Variants in NPIPB11 observed in about 807,000 individuals in gnomAD.
The protein encoded by NPIPB11 is nuclear pore complex interacting protein family member B11, also known as nuclear pore complex-interacting protein family member B11.
Under a neutral mutation model 32.8 loss-of-function variants are expected in NPIPB11, and 17 were observed. That is an observed-to-expected ratio of 0.52 (90% CI 0.35 to 0.78). The LOEUF is 0.78. Among genes scored for constraint, NPIPB11 ranks in the 30% least tolerant of loss-of-function variants. The probability of loss-of-function intolerance (pLI) is 0.01; values close to 1 mark genes in which losing one functional copy is unlikely to be tolerated. For synonymous variants in NPIPB11, 209 were observed against 398.4 expected (o/e 0.52, Z 5.66); for missense variants, 537 against 1,000.4 (o/e 0.54, Z 6.25).
At chr16:29,397,622 G>T in intron 2 of NPIPB11, 2 of 1,476,158 alleles carry the variant, frequency 1.4e-6, no homozygotes, top group Non-Finnish European at 9.2e-7. Context: ...GGAGCCAAAA[G>T]AGCATCCACC....
exon 8 of NPIPB11, chr16:29,383,161 A>G: frequency 1.3e-6 from 2 of 1,591,648 alleles, no homozygotes; most frequent in Non-Finnish European, 1.7e-6. Flanking sequence ...TGAGGGTGGA[A>G]GCGGAACTGC....
chr16:29,383,799 C>G, exon 8 of NPIPB11: 1 of 1,156,430 alleles, frequency 8.6e-7, no homozygotes, highest in African/African-American at 4.3e-5. Context: ...AAGCGGCCCC[C>G]GCAGACGCTC....
At chr16:29,395,856 T>G (rs1235441511) in intron 2 of NPIPB11, among the ~76,000 whole-genome samples, 22 of 151,022 alleles carry the variant, frequency 1.5e-4, no homozygotes, top group Middle Eastern at 3.4e-3. Flanking sequence ...CACGCGCCTA[T>G]AGTTCCAGCT....
chr16:29,395,977 CAAAA>C (rs1242538188), intron 2 of NPIPB11, among the ~76,000 whole-genome samples: 2 of 95,930 alleles, frequency 2.1e-5, no homozygotes, highest in Non-Finnish European at 2.2e-5. Flanking sequence ...GACTCTGTCT[CAAAA>C]AAAAAAAAAA....
chr16:29,401,147 T>C (rs1963980892), intron 2 of NPIPB11, among the ~76,000 whole-genome samples: 1 of 152,072 alleles, frequency 6.6e-6, no homozygotes, highest in African/African-American at 2.4e-5. Flanking sequence ...GTGGGAGCAA[T>C]AGTTTACAAC....
Position 29,397,557 on chromosome 16 carries a change from C to T in NPIPB11, c.121-3481G>A, listed in dbSNP as rs576304928. ...AAAGGAAGAAACCCCGAGGGTCCAG[C>T]GTCTACTCACACGGATGCACTGATG... On this transcript the variant is annotated intron_variant, in intron 2 of 7. Transcript: ENST00000524087. 87 of 1,526,614 alleles carry T rather than the reference C, an allele frequency of 5.7e-5. No individual in the cohort carries two copies. The East Asian group carries it at 2.2e-3, about 38-fold the overall frequency. 94.6% of individuals were successfully genotyped at this position (1,526,614 alleles called of 1,614,324 possible).
intron 3 of NPIPB11, among the ~76,000 whole-genome samples, chr16:29,392,286 G>T (rs1467689749): frequency 6.6e-6 from 1 of 152,060 alleles, no homozygotes; most frequent in Non-Finnish European, 1.5e-5. Context: ...TGGCACCCAT[G>T]ATGTCCCTGC....
intron 2 of NPIPB11, among the ~76,000 whole-genome samples, chr16:29,401,182 T>C (rs257868): frequency 0.62 from 94,799 of 151,930 alleles, 30,865 homozygotes; most frequent in African/African-American, 0.81. Flanking sequence ...TGAGCACTCT[T>C]GAACCTGTGC....
intron 5 of NPIPB11, among the ~76,000 whole-genome samples, chr16:29,389,315 C>G (rs1405572248): frequency 9.1e-5 from 13 of 143,280 alleles, no homozygotes; most frequent in African/African-American, 3.4e-4. Flanking sequence ...TGAGCCAAGA[C>G]TGCACCATAG....
Position 29,402,590 on chromosome 16 carries a change from G to C in NPIPB11, c.120+1093C>G, listed in dbSNP as rs1964017201. Among the ~76,000 whole-genome samples the C allele has an allele frequency of 3.5e-5, 4 of 115,810 alleles. 2 individuals are homozygous for C. In the East Asian group the frequency reaches 1.1e-3, roughly 31 times the overall value. 76.0% of individuals were successfully genotyped at this position (115,810 alleles called of 152,430 possible). On this transcript the variant is annotated intron_variant, in intron 2 of 7. Coordinates refer to ENST00000524087, the Ensembl canonical transcript of NPIPB11. ...GATGGTGCACACACCTGTAGTCCCA[G>C]CTACTCAGAGGCTGAGGCAGAGGAA...
intron 5 of NPIPB11, among the ~76,000 whole-genome samples, chr16:29,389,054 G>T (rs1040473009): frequency 2.0e-5 from 3 of 151,492 alleles, no homozygotes; most frequent in African/African-American, 7.3e-5. Context: ...AATTATCCGG[G>T]CATGGTGGCA....
intron 5 of NPIPB11, among the ~76,000 whole-genome samples, 173 bp downstream of exon 5, chr16:29,389,768 G>A (rs1963666592): frequency 6.6e-6 from 1 of 150,974 alleles, no homozygotes; most frequent in East Asian, 1.9e-4. Context: ...AAGAATGTAG[G>A]AAGGGAAAGG....
exon 8 of NPIPB11, chr16:29,383,154 G>A (rs762807244): frequency 5.0e-6 from 8 of 1,596,376 alleles, no homozygotes; most frequent in East Asian, 2.3e-5. Flanking sequence ...CATCCGCTGA[G>A]GGTGGAAGCG....
upstream of NPIPB11, among the ~76,000 whole-genome samples, chr16:29,406,412 T>C (rs1013429597): frequency 6.6e-6 from 1 of 152,262 alleles, no homozygotes; most frequent in Non-Finnish European, 1.5e-5. Context: ...GCTAAAGTTA[T>C]ATTTGTATAA....
chr16:29,401,339 G>T (rs1963986824), intron 2 of NPIPB11, among the ~76,000 whole-genome samples: 1 of 152,096 alleles, frequency 6.6e-6, no homozygotes, highest in Non-Finnish European at 1.5e-5. Context: ...TGGGGTAACT[G>T]AGGCAGTCAG....
In NPIPB11 at chr16:29,393,994, G is replaced by A. The variant is rs554887889; in HGVS notation, c.203C>T (p.Pro68Leu). ...GGTAATGACAACTTTATAACTTGTC[G>A]GAAACGCAATAATAATATGTAACCA... is the stretch of plus-strand genomic sequence containing the variant. Residue 68 changes from proline (P) to leucine (L), a missense_variant, in exon 3 of 8, where the codon CCG becomes CTG. Transcript: ENST00000524087. 3.2e-4 allele frequency: 512 copies of A among 1,599,376 alleles called. 1 individual carries two copies. Among genetic ancestry groups the A allele is most frequent in the Middle Eastern group, 6.6e-4 (4 of 6,056 alleles).
At position 29,397,941 on chromosome 16, in the gene NPIPB11, G is replaced by A. The variant is rs1227787701; in HGVS notation, c.121-3865C>T. 6.4e-5 allele frequency among the ~76,000 whole-genome samples: 6 copies of A among 93,244 alleles called. No homozygotes were observed. In the East Asian group the frequency reaches 1.8e-3, roughly 28 times the overall value. 61.2% of individuals were successfully genotyped at this position (93,244 alleles called of 152,430 possible). ...AGCTACAGGTCACGGAGAAGATCAGGGAAGCAACAGGACACGCGGGGCAAG... is the reference window on the plus strand; with the variant it reads ...AGCTACAGGTCACGGAGAAGATCAGAGAAGCAACAGGACACGCGGGGCAAG... On this transcript the variant is annotated intron_variant, in intron 2 of 7. Coordinates refer to ENST00000524087, the Ensembl canonical transcript of NPIPB11.
exon 8 of NPIPB11, chr16:29,382,236 G>T: frequency 6.3e-7 from 1 of 1,592,910 alleles, no homozygotes; most frequent in Non-Finnish European, 8.5e-7. Context: ...TTTGGAAGGT[G>T]TCTTGAGATT....
At chr16:29,400,790 C>T (rs1471194950) in intron 2 of NPIPB11, among the ~76,000 whole-genome samples, 2 of 152,110 alleles carry the variant, frequency 1.3e-5, no homozygotes, top group African/African-American at 4.8e-5. Context: ...GAGTTATCCA[C>T]TGGAGCATCA....
Sources: gnomAD v4.1 joint callset for allele counts (sites outside exome capture counted in the v4.1 genomes callset) on GRCh38, gnomAD v4.1.1 for gene constraint, MANE v1.5 for transcripts, NCBI Gene and HGNC (gene_info 2026-07-23, HGNC 2026-07-21) for gene names.